Variants in NLGN1 observed in about 807,000 individuals in gnomAD.
The protein encoded by NLGN1 is neuroligin 1, also known as neuroligin-1.
NLGN1 carries 12 observed loss-of-function variants against 65.5 expected under a neutral mutation model. The ratio of observed to expected loss-of-function variants is 0.18; its 90% CI spans 0.12 to 0.30. The LOEUF is 0.30. NLGN1 is among the 10% of genes least tolerant of loss of function. The probability of loss-of-function intolerance (pLI) is 1.00; values close to 1 mark genes in which losing one functional copy is unlikely to be tolerated. For missense variants in NLGN1, 750 were observed against 1,007.1 expected (o/e 0.74, Z 3.46); for synonymous variants, 350 against 359.5 (o/e 0.97, Z 0.30).
intron 4 of NLGN1, among the ~76,000 whole-genome samples, chr3:173,843,867 A>G (rs749695488): frequency 7.2e-5 from 11 of 152,122 alleles, no homozygotes; most frequent in African/African-American, 2.7e-4. Context: ...CTTCTCAGCA[A>G]CACCCCACTC....
At chr3:173,840,137 A>C (rs529113703) in intron 4 of NLGN1, among the ~76,000 whole-genome samples, 87 of 152,170 alleles carry the variant, frequency 5.7e-4, no homozygotes, top group Non-Finnish European at 7.8e-4. Context: ...TCCTGATTTC[A>C]TCTACCTCAG....
intron 2 of NLGN1, among the ~76,000 whole-genome samples, chr3:173,499,534 G>C (rs1437846712): frequency 6.6e-6 from 1 of 151,828 alleles, no homozygotes; most frequent in African/African-American, 2.4e-5. Context: ...ACTTGGCAAT[G>C]CAGGCTCTTT....
At chr3:173,646,594 T>C (rs77306302) in intron 3 of NLGN1, among the ~76,000 whole-genome samples, 4,274 of 152,330 alleles carry the variant, frequency 0.028, 89 homozygotes, top group Middle Eastern at 0.044. Flanking sequence ...AGTATCAAAA[T>C]ATCTCATGTG....
intron 4 of NLGN1, among the ~76,000 whole-genome samples, chr3:174,006,666 C>T (rs1170344346): frequency 6.6e-6 from 1 of 151,578 alleles, no homozygotes; most frequent in Middle Eastern, 3.2e-3. Context: ...AAGCCCTAAC[C>T]CCCAGTACTT....
intron 4 of NLGN1, among the ~76,000 whole-genome samples, chr3:173,949,899 C>A (rs1469023724): frequency 1.3e-5 from 2 of 152,044 alleles, no homozygotes; most frequent in Non-Finnish European, 2.9e-5. Flanking sequence ...TAATCATCTG[C>A]TTCTGGAGAG....
intron 4 of NLGN1, among the ~76,000 whole-genome samples, chr3:174,008,725 C>G (rs1724939570): frequency 6.6e-6 from 1 of 151,894 alleles, no homozygotes; most frequent in South Asian, 2.1e-4. Context: ...AACACAGGGC[C>G]CCAGATAATC....
At chr3:173,922,890 T>G (rs1372027363) in intron 4 of NLGN1, among the ~76,000 whole-genome samples, 1 of 152,148 alleles carries the variant, frequency 6.6e-6, no homozygotes, top group Non-Finnish European at 1.5e-5. Context: ...CTTCAGTTTC[T>G]TCACCTGAAA....
At chr3:173,426,211 G>T (rs1271767991) in intron 1 of NLGN1, among the ~76,000 whole-genome samples, 1 of 151,974 alleles carries the variant, frequency 6.6e-6, no homozygotes, top group Non-Finnish European at 1.5e-5. Flanking sequence ...GAATTAGTTT[G>T]TTAGTTCTAA....
At chr3:173,650,197 A>G (rs1758929835) in intron 3 of NLGN1, among the ~76,000 whole-genome samples, 1 of 152,092 alleles carries the variant, frequency 6.6e-6, no homozygotes, top group African/African-American at 2.4e-5. Flanking sequence ...CACTTCATTC[A>G]TCTTCAGCTA....
intron 4 of NLGN1, among the ~76,000 whole-genome samples, chr3:173,821,403 G>C (rs190413865): frequency 6.6e-5 from 10 of 152,216 alleles, no homozygotes; most frequent in African/African-American, 2.4e-4. Context: ...TAAGAGATGA[G>C]TTTATTCCTA....
At chr3:173,854,593 T>C (rs1727599311) in intron 4 of NLGN1, among the ~76,000 whole-genome samples, 1 of 152,098 alleles carries the variant, frequency 6.6e-6, no homozygotes, top group African/African-American at 2.4e-5. Flanking sequence ...TGCGTTGATT[T>C]TTGTATGGTT....
At chr3:174,138,844 G>A (rs1721742760) in intron 4 of NLGN1, among the ~76,000 whole-genome samples, 1 of 151,628 alleles carries the variant, frequency 6.6e-6, no homozygotes, top group African/African-American at 2.4e-5. Flanking sequence ...CTCATTTTTG[G>A]CTCTTTGCAA....
chr3:174,099,152 T>G (rs533835379), intron 4 of NLGN1, among the ~76,000 whole-genome samples: 3 of 152,256 alleles, frequency 2.0e-5, no homozygotes, highest in East Asian at 3.9e-4. Context: ...GTAGAAGTTA[T>G]GCAACAGACG....
intron 4 of NLGN1, among the ~76,000 whole-genome samples, chr3:173,832,453 C>T (rs531409213): frequency 1.3e-5 from 2 of 152,190 alleles, no homozygotes; most frequent in African/African-American, 4.8e-5. Context: ...TGTAGCCATC[C>T]GAAGTCTTAT....
At chr3:174,066,561 T>TC (rs1738640733) in intron 4 of NLGN1, among the ~76,000 whole-genome samples, 1 of 148,596 alleles carries the variant, frequency 6.7e-6, no homozygotes, top group Admixed American at 6.7e-5. Flanking sequence ...TCTCTCTCTC[T>TC]CTCTGTGTGT....
chr3:173,456,553 A>G (rs1289360599), intron 2 of NLGN1, among the ~76,000 whole-genome samples: 1 of 152,204 alleles, frequency 6.6e-6, no homozygotes, highest in East Asian at 1.9e-4. Flanking sequence ...GGAAACATTC[A>G]ATGATTGTAG....
At position 173,761,814 on chromosome 3, in the gene NLGN1, G is replaced by T. The variant is rs180948796; in HGVS notation, c.494-45866G>T. 2.2e-3 allele frequency among the ~76,000 whole-genome samples: 341 copies of T among 152,128 alleles called. 2 individuals are homozygous for T. The highest frequency in any genetic ancestry group is 3.4e-3 in the Middle Eastern group (1 of 294). ...TGATTTAAACTTATCAATTGAGACA[G>T]ATAATGCAGACTTTTTACCAGGGAA... On this transcript the variant is annotated intron_variant, in intron 3 of 6. Coordinates refer to ENST00000457714, the Ensembl canonical transcript of NLGN1.
chr3:173,500,174 T>C (rs1204454501), intron 2 of NLGN1, among the ~76,000 whole-genome samples: 1 of 152,192 alleles, frequency 6.6e-6, no homozygotes, highest in Admixed American at 6.6e-5. Flanking sequence ...TTCATTATGA[T>C]ACTGGCTGTG....
intron 2 of NLGN1, among the ~76,000 whole-genome samples, chr3:173,480,032 G>C (rs1052586258): frequency 2.0e-5 from 3 of 152,070 alleles, no homozygotes; most frequent in African/African-American, 7.2e-5. Flanking sequence ...GGACAATTTT[G>C]GGCATATATT....
Sources: allele counts gnomAD v4.1 joint callset (sites outside exome capture counted in the v4.1 genomes callset), GRCh38; gene constraint gnomAD v4.1.1; transcripts MANE v1.5; gene names NCBI Gene and HGNC (gene_info 2026-07-23, HGNC 2026-07-21).